PRKCH: variants seen among roughly 807,000 people sequenced by gnomAD.
PRKCH encodes the protein protein kinase C eta.
PRKCH carries 28 observed loss-of-function variants against 82.5 expected under a neutral mutation model. The ratio of observed to expected loss-of-function variants is 0.34; its 90% CI spans 0.25 to 0.47. The LOEUF (loss-of-function observed/expected upper bound fraction) is 0.47, where lower values mean the gene tolerates loss of function less well. Among genes scored for constraint, PRKCH ranks in the 20% least tolerant of loss-of-function variants. PRKCH has a pLI of 1.00. For synonymous variants in PRKCH, 322 were observed against 327.4 expected, an observed-to-expected ratio of 0.98 and a Z score of 0.18; for missense variants, 705 against 881.8, an observed-to-expected ratio of 0.80 and a Z score of 2.54.
intron 1 of PRKCH, among the ~76,000 whole-genome samples, chr14:61,342,744 T>C (rs2045944352): frequency 6.6e-6 from 1 of 152,214 alleles, no homozygotes; most frequent in African/African-American, 2.4e-5. Flanking sequence ...CTGCAAATTT[T>C]CCAGTGTGTT....
intron 1 of PRKCH, among the ~76,000 whole-genome samples, chr14:61,266,037 G>A (rs1422292277): frequency 6.6e-6 from 1 of 152,152 alleles, no homozygotes; most frequent in African/African-American, 2.4e-5. Flanking sequence ...AGAAGTTGCA[G>A]TGAGCTGAGA....
intron 2 of PRKCH, among the ~76,000 whole-genome samples, chr14:61,415,219 A>G (rs1203938778): frequency 1.3e-5 from 2 of 152,216 alleles, no homozygotes; most frequent in Non-Finnish European, 2.9e-5. Context: ...CTTAAAAGCA[A>G]TTTGAAGTGT....
chr14:61,402,140 A>T (rs2140218887), intron 2 of PRKCH, among the ~76,000 whole-genome samples: 1 of 152,358 alleles, frequency 6.6e-6, no homozygotes, highest in South Asian at 2.1e-4. Context: ...AAATTGTGTT[A>T]TGAGATATGT....
chr14:61,279,220 C>T (rs992645171), intron 1 of PRKCH: 2 of 152,196 alleles, frequency 1.3e-5, no homozygotes, highest in South Asian at 2.1e-4. Flanking sequence ...TCAAATGAAT[C>T]ACATAAACCC....
intron 1 of PRKCH, among the ~76,000 whole-genome samples, chr14:61,248,746 T>C (rs2044909286): frequency 1.4e-5 from 2 of 144,516 alleles, no homozygotes; most frequent in African/African-American, 5.1e-5. Context: ...AATTCAATGG[T>C]TTTATGTATG....
At chr14:61,443,392 T>C in intron 3 of PRKCH, 131 bp downstream of exon 3, 1 of 939,526 alleles carries the variant, frequency 1.1e-6, no homozygotes. Context: ...CCTCTTACTC[T>C]AGTATGTTGA....
At chr14:61,261,207 A>G (rs76683369) in intron 1 of PRKCH, among the ~76,000 whole-genome samples, 2 of 152,356 alleles carry the variant, frequency 1.3e-5, no homozygotes, top group East Asian at 3.9e-4. Context: ...ACGCACATGC[A>G]CATGCACATG....
intron 1 of PRKCH, among the ~76,000 whole-genome samples, chr14:61,189,454 C>T (rs181662440): frequency 2.6e-4 from 40 of 152,304 alleles, no homozygotes; most frequent in African/African-American, 9.4e-4. Context: ...CCTTGTCTGC[C>T]TGCCTTGAGA....
At chr14:61,282,879 C>A (rs1188346766) in intron 1 of PRKCH, among the ~76,000 whole-genome samples, 1 of 152,058 alleles carries the variant, frequency 6.6e-6, no homozygotes, top group Non-Finnish European at 1.5e-5. Flanking sequence ...TCAGCAAGTT[C>A]CCACAGTGTG....
chr14:61,487,689 A>G (rs76306092), intron 10 of PRKCH, among the ~76,000 whole-genome samples: 1,793 of 152,152 alleles, frequency 0.012, 31 homozygotes, highest in African/African-American at 0.041. Flanking sequence ...AATATTAACA[A>G]CAAGACCTAA....
intron 2 of PRKCH, among the ~76,000 whole-genome samples, chr14:61,391,759 T>C (rs1462107948): frequency 2.0e-5 from 3 of 151,998 alleles, no homozygotes; most frequent in Admixed American, 6.6e-5. Flanking sequence ...CCATCCAATA[T>C]TTTTTTTACT....
intron 1 of PRKCH, among the ~76,000 whole-genome samples, chr14:61,384,624 G>A (rs1221430673): frequency 6.6e-6 from 1 of 152,002 alleles, no homozygotes; most frequent in African/African-American, 2.4e-5. Flanking sequence ...ATTTGAGGCA[G>A]CGCTGATTCA....
chr14:61,366,733 T>C (rs1364483339), intron 1 of PRKCH, among the ~76,000 whole-genome samples: 1 of 152,140 alleles, frequency 6.6e-6, no homozygotes, highest in Admixed American at 6.5e-5. Context: ...ATACAGCCAG[T>C]GGCTCTTCAG....
intron 1 of PRKCH, among the ~76,000 whole-genome samples, chr14:61,381,728 G>A (rs1040808916): frequency 1.3e-5 from 2 of 152,238 alleles, no homozygotes; most frequent in South Asian, 2.1e-4. Flanking sequence ...AGTGGCCTTG[G>A]CAGTGAGGAG....
At chr14:61,540,188 C>G (rs1204279450) in intron 12 of PRKCH, among the ~76,000 whole-genome samples, 1 of 152,190 alleles carries the variant, frequency 6.6e-6, no homozygotes, top group Non-Finnish European at 1.5e-5. Flanking sequence ...CACTTACCAC[C>G]TGCACTGTAT....
chr14:61,483,735 C>A (rs922629474), intron 9 of PRKCH, among the ~76,000 whole-genome samples: 16 of 152,174 alleles, frequency 1.1e-4, no homozygotes, highest in African/African-American at 3.9e-4. Flanking sequence ...AAGCCGGTGG[C>A]ACTTACAACC....
rs886928786 is a variant in PRKCH at position 61,485,569 on chromosome 14, G to A, written c.1346G>A (p.Arg449His). The A allele has an allele frequency of 6.2e-6, 10 of 1,613,984 alleles. No homozygotes were observed. Among genetic ancestry groups the A allele is most frequent in the Admixed American group, 3.3e-5 (2 of 59,994 alleles). ...TTGATGTTCCACATTCAGAAGTCTC[G>A]TCGTTTTGATGAAGCACGAGCTCGC... ...GDLMFHIQKSRRFDEARARFY... is the reference protein window; with the variant it reads ...GDLMFHIQKSHRFDEARARFY... Residue 449 changes from arginine to histidine, a missense_variant, in exon 10 of 14, where the codon CGT (arginine) becomes CAT (histidine). Coordinates refer to ENST00000332981, the MANE Select transcript of PRKCH (RefSeq NM_006255.5).
At chr14:61,259,834 G>A (rs2045030934) in intron 1 of PRKCH, among the ~76,000 whole-genome samples, 1 of 152,084 alleles carries the variant, frequency 6.6e-6, no homozygotes, top group South Asian at 2.1e-4. Context: ...TTGTTTTACA[G>A]ATTAATAACC....
chr14:61,372,592 A>G (rs1204174310), intron 1 of PRKCH, among the ~76,000 whole-genome samples: 1 of 152,058 alleles, frequency 6.6e-6, no homozygotes, highest in Middle Eastern at 3.2e-3. Context: ...GCTAGAGTTC[A>G]GTGGTTATGT....
Sources: allele counts gnomAD v4.1 joint callset (sites outside exome capture counted in the v4.1 genomes callset), GRCh38; gene constraint gnomAD v4.1.1; transcripts MANE v1.5; gene names NCBI Gene and HGNC (gene_info 2026-07-23, HGNC 2026-07-21).